Variants in ROR1 observed in about 807,000 individuals in gnomAD.
ROR1 encodes the protein ROR family WNT receptor 1.
Under a neutral mutation model 78.8 loss-of-function variants are expected in ROR1, and 19 were observed. The observed-to-expected ratio is 0.24, with a 90% CI of 0.17 to 0.35. The LOEUF (loss-of-function observed/expected upper bound fraction) is 0.35. Among genes scored for constraint, ROR1 ranks in the 10% least tolerant of loss-of-function variants. ROR1 has a pLI of 1.00. For synonymous variants in ROR1, 386 were observed against 433.6 expected (o/e 0.89, Z 1.36); for missense variants, 917 against 1,177.8 (o/e 0.78, Z 3.24).
At chr1:64,116,840 G>A (rs1267327356) in intron 4 of ROR1, among the ~76,000 whole-genome samples, 1 of 152,046 alleles carries the variant, frequency 6.6e-6, no homozygotes, top group Non-Finnish European at 1.5e-5. Context: ...CCCAGCCTAC[G>A]GTGGATTTTC....
At chr1:63,963,386 G>A (rs531828829) in intron 1 of ROR1, among the ~76,000 whole-genome samples, 90 of 152,026 alleles carry the variant, frequency 5.9e-4, no homozygotes, top group African/African-American at 2.1e-3. Flanking sequence ...TGACCAACAT[G>A]GTGAAACCCC....
rs552703599 is a variant in ROR1, at chr1:63,890,774, A to G, written c.91+116266A>G. On this transcript the variant is annotated intron_variant, in intron 1 of 8. Coordinates refer to ENST00000371079, the MANE Select transcript of ROR1 (RefSeq NM_005012.4). ...AGCCTGGTCCATTTTGGAGCAAGAA[A>G]TTGGGCCATAATTGATGTTTGTATC... is the stretch of plus-strand genomic sequence containing the variant. Among the ~76,000 whole-genome samples, 3 of 152,250 alleles carry G rather than the reference A, an allele frequency of 2.0e-5. No individual in the cohort carries two copies. The East Asian group carries it at 5.8e-4, about 29-fold the overall frequency.
intron 1 of ROR1, among the ~76,000 whole-genome samples, chr1:63,899,935 A>G (rs890615343): frequency 6.6e-6 from 1 of 151,982 alleles, no homozygotes; most frequent in African/African-American, 2.4e-5. Context: ...AACAGACACC[A>G]TATGGGAGGC....
intron 1 of ROR1, among the ~76,000 whole-genome samples, chr1:63,786,569 GC>G (rs1163998087): frequency 3.0e-5 from 4 of 135,560 alleles, no homozygotes; most frequent in Middle Eastern, 4.0e-3. Context: ...ACCGCGCCTG[GC>G]CTTTTTTTTT....
chr1:64,009,755 G>A (rs961355318), intron 2 of ROR1, among the ~76,000 whole-genome samples: 2 of 152,128 alleles, frequency 1.3e-5, no homozygotes, highest in Admixed American at 1.3e-4. Flanking sequence ...TTCACGATGA[G>A]CATTTGATGT....
intron 1 of ROR1, among the ~76,000 whole-genome samples, chr1:63,792,754 G>A (rs1401103373): frequency 3.4e-5 from 5 of 148,556 alleles, no homozygotes; most frequent in Admixed American, 6.9e-5. Context: ...GAGAGAGAAT[G>A]AGAGAAAAAT....
At chr1:64,149,910 C>T (rs181375032) in intron 7 of ROR1, among the ~76,000 whole-genome samples, 29 of 152,248 alleles carry the variant, frequency 1.9e-4, no homozygotes, top group African/African-American at 6.7e-4. Flanking sequence ...CTGAGAACTC[C>T]TTTTGCAACA....
intron 1 of ROR1, among the ~76,000 whole-genome samples, chr1:63,795,143 A>C (rs1389422870): frequency 6.6e-6 from 1 of 152,064 alleles, no homozygotes; most frequent in African/African-American, 2.4e-5. Flanking sequence ...GTTGGCAGCC[A>C]GGCTGGTGCT....
chr1:63,985,547 G>T (rs1646243868), intron 1 of ROR1, among the ~76,000 whole-genome samples: 1 of 151,968 alleles, frequency 6.6e-6, no homozygotes, highest in Non-Finnish European at 1.5e-5. Context: ...CATGTGATGG[G>T]TTGGAGTCAA....
intron 1 of ROR1, among the ~76,000 whole-genome samples, chr1:64,006,033 G>C (rs1646425238): frequency 6.6e-6 from 1 of 152,156 alleles, no homozygotes; most frequent in Non-Finnish European, 1.5e-5. Context: ...CAATTTCAGT[G>C]TTAGCAGTGC....
At chr1:64,061,067 C>G (rs1646913454) in intron 4 of ROR1, among the ~76,000 whole-genome samples, 1 of 151,966 alleles carries the variant, frequency 6.6e-6, no homozygotes. Context: ...GTTTCTCAGT[C>G]TATCTGTTTC....
At chr1:64,071,575 CCACACAGACACACACACA>C (rs200086686) in intron 4 of ROR1, among the ~76,000 whole-genome samples, 21,227 of 149,218 alleles carry the variant, frequency 0.14, 1,574 homozygotes, top group Middle Eastern at 0.19. Flanking sequence ...GCCCCACCAC[CCACACAGACACACACACA>C]CACACAGACA....
intron 1 of ROR1, among the ~76,000 whole-genome samples, chr1:63,983,724 C>T (rs1322891520): frequency 6.6e-6 from 1 of 152,156 alleles, no homozygotes; most frequent in Non-Finnish European, 1.5e-5. Flanking sequence ...ACAATGTCCT[C>T]ATTCTTTAAT....
intron 7 of ROR1, among the ~76,000 whole-genome samples, chr1:64,156,943 G>A (rs1373955010): frequency 6.6e-6 from 1 of 152,110 alleles, no homozygotes; most frequent in Non-Finnish European, 1.5e-5. Flanking sequence ...CTTACTAGCA[G>A]CATGTCCTTG....
At chr1:64,093,796 C>T (rs1444711742) in intron 4 of ROR1, among the ~76,000 whole-genome samples, 1 of 152,104 alleles carries the variant, frequency 6.6e-6, no homozygotes, top group Non-Finnish European at 1.5e-5. Context: ...TCCTCTCCAC[C>T]CCTCTCTAAT....
At chr1:63,921,352 G>T (rs935607800) in intron 1 of ROR1, among the ~76,000 whole-genome samples, 1 of 152,108 alleles carries the variant, frequency 6.6e-6, no homozygotes, top group Non-Finnish European at 1.5e-5. Flanking sequence ...CATGGGGGTG[G>T]CGACGCTGCA....
intron 7 of ROR1, among the ~76,000 whole-genome samples, chr1:64,157,523 G>A (rs549610714): frequency 2.6e-5 from 4 of 152,306 alleles, no homozygotes; most frequent in Admixed American, 2.0e-4. Context: ...ACAGGGCACA[G>A]TCCCAAAACC....
At chr1:64,060,084 T>C (rs1368873961) in intron 4 of ROR1, among the ~76,000 whole-genome samples, 1 of 152,230 alleles carries the variant, frequency 6.6e-6, no homozygotes, top group African/African-American at 2.4e-5. Context: ...ATAATTAGCA[T>C]TGAATGAATT....
intron 4 of ROR1, among the ~76,000 whole-genome samples, chr1:64,088,392 C>T (rs939339557): frequency 1.3e-5 from 2 of 152,088 alleles, no homozygotes; most frequent in African/African-American, 2.4e-5. Flanking sequence ...GATGACAAAA[C>T]CAGGCAAATT....
Sources: allele counts gnomAD v4.1 joint callset (sites outside exome capture counted in the v4.1 genomes callset), GRCh38; gene constraint gnomAD v4.1.1; transcripts MANE v1.5; gene names NCBI Gene and HGNC (gene_info 2026-07-23, HGNC 2026-07-21).